Variants in SYT14 observed in about 807,000 individuals in gnomAD.
SYT14 encodes the protein synaptotagmin-14.
Under a neutral mutation model 74.2 loss-of-function variants are expected in SYT14, and 32 were observed. The ratio of observed to expected loss-of-function variants is 0.43; its 90% CI spans 0.33 to 0.58. SYT14 has a LOEUF of 0.58. Among genes scored for constraint, SYT14 ranks in the 20% least tolerant of loss-of-function variants. The pLI is 0.05. For synonymous variants in SYT14, 298 were observed against 337.7 expected (o/e 0.88, Z 1.29); for missense variants, 791 against 981.8 (o/e 0.81, Z 2.60).
intron 5 of SYT14, among the ~76,000 whole-genome samples, chr1:210,032,229 GGTATC>G (rs2080554094): frequency 6.6e-6 from 1 of 152,026 alleles, no homozygotes; most frequent in East Asian, 1.9e-4. Context: ...ATAACAGAAT[GGTATC>G]AATGCAGTTG....
rs146353534 is a variant in SYT14, at chr1:210,013,195, C to T, written c.-485-438C>T. 1.2e-4 allele frequency among the ~76,000 whole-genome samples: 18 copies of T among 150,154 alleles called. 1 individual carries two copies. The East Asian group carries it at 3.4e-3, about 29-fold the overall frequency. ...AAGCGATTCTCATGCCGTAGCCACC[C>T]AAGTAGCTGGGATTACAGGCATGTG... On this transcript the variant is annotated intron_variant, in intron 2 of 9. Transcript: ENST00000637265.
intron 7 of SYT14, among the ~76,000 whole-genome samples, chr1:210,103,976 G>A (rs188054358): frequency 8.7e-4 from 133 of 152,238 alleles, no homozygotes; most frequent in East Asian, 3.3e-3. Flanking sequence ...GACTTTCCCC[G>A]TCTCACTGGT....
At chr1:210,110,150 G>A (rs1404912877) in intron 7 of SYT14, among the ~76,000 whole-genome samples, 1 of 152,134 alleles carries the variant, frequency 6.6e-6, no homozygotes, top group Non-Finnish European at 1.5e-5. Context: ...ATAGCATTAG[G>A]AGAAATACCT....
intron 7 of SYT14, among the ~76,000 whole-genome samples, chr1:210,107,205 T>C (rs2082174139): frequency 6.6e-6 from 1 of 152,242 alleles, no homozygotes; most frequent in African/African-American, 2.4e-5. Context: ...GGTGAGGCAG[T>C]TCTTTACAGT....
intron 1 of SYT14, among the ~76,000 whole-genome samples, chr1:209,943,453 G>A (rs865994606): frequency 7.5e-6 from 1 of 133,420 alleles, no homozygotes; most frequent in Non-Finnish European, 1.5e-5. Context: ...ACTGAGCAGT[G>A]AGTCAAGATC....
At chr1:209,990,554 T>C (rs1306579938) in intron 2 of SYT14, among the ~76,000 whole-genome samples, 1 of 123,336 alleles carries the variant, frequency 8.1e-6, no homozygotes, top group Admixed American at 1.0e-4. Flanking sequence ...TATATGTATA[T>C]ATATACGTAT....
chr1:210,036,149 T>A (rs562176433), intron 5 of SYT14, among the ~76,000 whole-genome samples: 1 of 152,114 alleles, frequency 6.6e-6, no homozygotes, highest in East Asian at 1.9e-4. Context: ...TACTAGGTGT[T>A]TTTTGTTTGT....
At chr1:209,961,165 C>T (rs2079070243) in intron 2 of SYT14, among the ~76,000 whole-genome samples, 1 of 152,052 alleles carries the variant, frequency 6.6e-6, no homozygotes, top group East Asian at 1.9e-4. Context: ...ATCGTGGGCT[C>T]TTCCTTCTTT....
intron 2 of SYT14, among the ~76,000 whole-genome samples, chr1:209,995,314 C>CA (rs1281931613): frequency 5.3e-5 from 8 of 151,556 alleles, no homozygotes; most frequent in African/African-American, 1.9e-4. Context: ...AAACAGAAAC[C>CA]AAAAAAAGAG....
At chr1:210,089,201 A>G (rs970214105) in intron 5 of SYT14, among the ~76,000 whole-genome samples, 3 of 152,206 alleles carry the variant, frequency 2.0e-5, no homozygotes, top group Admixed American at 6.5e-5. Flanking sequence ...CCTGCAAAGG[A>G]CATGAACTCA....
At chr1:210,000,466 GCACACACACACACACA>G (rs375046637) in intron 2 of SYT14, among the ~76,000 whole-genome samples, 340 of 143,196 alleles carry the variant, frequency 2.4e-3, no homozygotes, top group African/African-American at 8.3e-3. Flanking sequence ...GTCCTCATAC[GCACACACACACACACA>G]CACACACACA....
chr1:210,016,957 GA>G lies in SYT14; in HGVS notation c.958del (p.Ile320LeufsTer5), dbSNP rs1298980904. 1.1e-5 allele frequency: 13 copies of G among 1,231,632 alleles called. No individual in the cohort carries two copies. The highest frequency in any genetic ancestry group is 1.6e-5 in the African/African-American group (1 of 64,384). 76.3% of individuals were successfully genotyped at this position (1,231,632 alleles called of 1,614,324 possible). A position where few individuals can be genotyped will look rare whatever the true frequency, so the allele number is the denominator to read the frequency against. ...CTAATTCTAAAGATAAGTTATCTGG[GA>G]AAATTGAAGAACAAATAAATTCAAC... is the stretch of plus-strand genomic sequence containing the variant. On this transcript the variant is annotated frameshift_variant, in exon 4 of 10. Transcript: ENST00000637265. LOFTEE classifies it high-confidence loss of function.
exon 10 of SYT14, chr1:210,162,257 G>A (rs1416373120): frequency 2.3e-6 from 1 of 429,472 alleles, no homozygotes; most frequent in South Asian, 1.7e-5. Context: ...AGTTAAATTT[G>A]CTCATACAGC....
At chr1:209,976,671 G>A (rs1444438434) in intron 2 of SYT14, among the ~76,000 whole-genome samples, 1 of 152,152 alleles carries the variant, frequency 6.6e-6, no homozygotes, top group African/African-American at 2.4e-5. Flanking sequence ...TGAGAAGAAT[G>A]TATGTTCTGT....
intron 7 of SYT14, among the ~76,000 whole-genome samples, chr1:210,153,920 C>T (rs957913586): frequency 3.9e-4 from 59 of 152,220 alleles, no homozygotes; most frequent in Admixed American, 3.5e-3. Flanking sequence ...CATCTAGATT[C>T]ATGAATGAGA....
chr1:210,138,161 G>A (rs2082831246), intron 7 of SYT14, among the ~76,000 whole-genome samples: 1 of 152,172 alleles, frequency 6.6e-6, no homozygotes, highest in Non-Finnish European at 1.5e-5. Context: ...GGGTTTAATG[G>A]ACTCATAGTT....
At chr1:210,034,015 A>G (rs1183316658) in intron 5 of SYT14, among the ~76,000 whole-genome samples, 2 of 151,880 alleles carry the variant, frequency 1.3e-5, no homozygotes, top group Admixed American at 6.6e-5. Flanking sequence ...TTAGTACACT[A>G]ATAAAAAGTA....
chr1:210,138,740 T>A (rs567519066), intron 7 of SYT14, among the ~76,000 whole-genome samples: 1 of 152,324 alleles, frequency 6.6e-6, no homozygotes, highest in East Asian at 1.9e-4. Context: ...ATATAAGCAA[T>A]CATTATAGTA....
At chr1:209,974,395 G>T (rs2079317661) in intron 2 of SYT14, among the ~76,000 whole-genome samples, 11 of 152,186 alleles carry the variant, frequency 7.2e-5, no homozygotes, top group Admixed American at 7.2e-4. Flanking sequence ...TGTATAAGGT[G>T]TAAGGAAGGG....
Sources: gnomAD v4.1 joint callset for allele counts (sites outside exome capture counted in the v4.1 genomes callset) on GRCh38, gnomAD v4.1.1 for gene constraint, MANE v1.5 for transcripts, NCBI Gene and HGNC (gene_info 2026-07-23, HGNC 2026-07-21) for gene names.